Variants in NPAS3 observed in about 807,000 individuals in gnomAD.
NPAS3 encodes the protein neuronal PAS domain-containing protein 3.
A neutral mutation model predicts 73.1 loss-of-function variants in NPAS3; 14 were observed. The ratio of observed to expected loss-of-function variants is 0.19; its 90% CI spans 0.13 to 0.30. The LOEUF (loss-of-function observed/expected upper bound fraction) is 0.30. Ranked by LOEUF, NPAS3 falls within the 10% of genes least tolerant of loss-of-function variation. The probability of loss-of-function intolerance (pLI) is 1.00; values close to 1 mark genes in which losing one functional copy is unlikely to be tolerated. For missense variants in NPAS3, 1,096 were observed against 1,250.0 expected (o/e 0.88, Z 1.86); for synonymous variants, 620 against 541.5 (o/e 1.14, Z -2.01).
intron 1 of NPAS3, among the ~76,000 whole-genome samples, chr14:32,980,597 C>T (rs1371288301): frequency 3.9e-5 from 6 of 151,992 alleles, no homozygotes; most frequent in Non-Finnish European, 5.9e-5. Context: ...TCTTCTTGGA[C>T]GCTACCATTT....
intron 3 of NPAS3, among the ~76,000 whole-genome samples, chr14:33,284,564 T>G (rs1253196480): frequency 2.0e-5 from 3 of 152,164 alleles, no homozygotes; most frequent in African/African-American, 7.2e-5. Flanking sequence ...ATGCACTGTT[T>G]ATTATTAGAC....
At chr14:33,286,126 A>G (rs1228159648) in intron 3 of NPAS3, among the ~76,000 whole-genome samples, 3 of 152,138 alleles carry the variant, frequency 2.0e-5, no homozygotes, top group South Asian at 2.1e-4. Context: ...AATACAATCA[A>G]TGAGTTGAGT....
rs531543670 is a variant in NPAS3, at chr14:33,281,080, A to G, written c.385+65654A>G. On this transcript the variant is annotated intron_variant, in intron 3 of 11. Coordinates refer to ENST00000356141, the Ensembl canonical transcript of NPAS3. ...GTTCACTTGATGCCCTCCTCTTCTTACGGTAGTGAAGCTGGATACATTTGT... is the reference window on the plus strand; with the variant it reads ...GTTCACTTGATGCCCTCCTCTTCTTGCGGTAGTGAAGCTGGATACATTTGT... 1.8e-4 allele frequency among the ~76,000 whole-genome samples: 28 copies of G among 152,312 alleles called. 1 individual carries two copies. In the South Asian group the frequency reaches 5.4e-3, roughly 29 times the overall value.
downstream of NPAS3, chr14:33,801,499 A>T (rs1008770658): frequency 3.4e-5 from 8 of 233,584 alleles, no homozygotes; most frequent in Non-Finnish European, 6.7e-5. Context: ...TCTTGATATG[A>T]TCAAGATGGA....
chr14:33,457,682 G>C (rs1161390769), intron 4 of NPAS3, among the ~76,000 whole-genome samples: 1 of 152,144 alleles, frequency 6.6e-6, no homozygotes, highest in Admixed American at 6.5e-5. Flanking sequence ...CCATGTCCCA[G>C]ACATGCTTCC....
chr14:33,216,604 G>C (rs2047232903), intron 3 of NPAS3, among the ~76,000 whole-genome samples: 1 of 152,200 alleles, frequency 6.6e-6, no homozygotes, highest in Admixed American at 6.5e-5. Flanking sequence ...AAAGGGCCAT[G>C]TAGTAAATAT....
intron 2 of NPAS3, among the ~76,000 whole-genome samples, chr14:33,066,650 G>A (rs2041291636): frequency 6.6e-6 from 1 of 152,146 alleles, no homozygotes. Context: ...CTGTGGTACA[G>A]AGTGTCCTGA....
intron 3 of NPAS3, among the ~76,000 whole-genome samples, chr14:33,231,108 T>G (rs774837876): frequency 2.0e-5 from 3 of 152,220 alleles, no homozygotes; most frequent in Admixed American, 2.0e-4. Context: ...CAATTCTGTT[T>G]GCTCGTGCAA....
intron 3 of NPAS3, among the ~76,000 whole-genome samples, chr14:33,219,353 A>C (rs2047339745): frequency 1.3e-5 from 2 of 152,150 alleles, no homozygotes; most frequent in Admixed American, 1.3e-4. Flanking sequence ...GTCTGCTGCA[A>C]CTCTATTAAT....
chr14:33,139,308 A>G (rs2043956827), intron 2 of NPAS3, among the ~76,000 whole-genome samples: 1 of 152,174 alleles, frequency 6.6e-6, no homozygotes, highest in African/African-American at 2.4e-5. Flanking sequence ...GCTTCCTCCC[A>G]TTGCACCAAA....
chr14:33,577,068 A>G (rs1595191864), intron 5 of NPAS3, among the ~76,000 whole-genome samples: 1 of 152,258 alleles, frequency 6.6e-6, no homozygotes, highest in East Asian at 1.9e-4. Flanking sequence ...ACCTGTCTCA[A>G]TATGAGTAAA....
intron 6 of NPAS3, among the ~76,000 whole-genome samples, chr14:33,711,119 A>G (rs966793882): frequency 1.3e-5 from 2 of 152,226 alleles, no homozygotes; most frequent in African/African-American, 2.4e-5. Flanking sequence ...TTGCTGTAAT[A>G]CATACGTGCA....
At position 33,551,231 on chromosome 14, in the gene NPAS3, C is replaced by T. The variant is rs945067258; in HGVS notation, c.469-8890C>T. Among the ~76,000 whole-genome samples the T allele has an allele frequency of 3.3e-5, 5 of 152,324 alleles. No homozygotes were observed. In the East Asian group the frequency reaches 9.6e-4, roughly 29 times the overall value. ...TTCCTAGAAATAAAACACATGATTG[C>T]ACCAGATTAGTGTCTGCGGTCTCTA... On this transcript the variant is annotated intron_variant, in intron 4 of 11. Transcript: ENST00000356141.
At chr14:33,405,827 C>T (rs2047641644) in intron 4 of NPAS3, among the ~76,000 whole-genome samples, 1 of 152,118 alleles carries the variant, frequency 6.6e-6, no homozygotes, top group Admixed American at 6.6e-5. Context: ...ACATTAAACT[C>T]AGTCTATTAG....
chr14:33,068,875 G>T (rs1432542992), intron 2 of NPAS3, among the ~76,000 whole-genome samples: 1 of 152,190 alleles, frequency 6.6e-6, no homozygotes, highest in Non-Finnish European at 1.5e-5. Flanking sequence ...AGGCCAGTGT[G>T]GTGGGGGCTG....
intron 1 of NPAS3, among the ~76,000 whole-genome samples, chr14:33,030,338 G>T (rs1006093729): frequency 6.6e-6 from 1 of 152,148 alleles, no homozygotes; most frequent in African/African-American, 2.4e-5. Flanking sequence ...GCAAGTGTAA[G>T]GGTTTCAAAG....
chr14:33,564,373 T>C (rs543837413), intron 5 of NPAS3, among the ~76,000 whole-genome samples: 43 of 152,262 alleles, frequency 2.8e-4, no homozygotes, highest in Admixed American at 4.6e-4. Context: ...ACCTGTAGAT[T>C]ATGACATTGA....
rs114917726 is a variant in NPAS3 at position 33,450,619 on chromosome 14, C to T, written c.468+83351C>T. 9.7e-3 allele frequency among the ~76,000 whole-genome samples: 1,471 copies of T among 152,226 alleles called. 23 individuals carry two copies. Among genetic ancestry groups the T allele is most frequent in the African/African-American group, 0.034 (1,391 of 41,522 alleles). Reference sequence around the variant, plus strand: ...CTTTCCTTAAATACTGTTGTTATTTCGCTGCCAGATTGCTTGTAGTTTGAG... The same window carrying T: ...CTTTCCTTAAATACTGTTGTTATTTTGCTGCCAGATTGCTTGTAGTTTGAG... On this transcript the variant is annotated intron_variant, in intron 4 of 11. Coordinates refer to ENST00000356141, the Ensembl canonical transcript of NPAS3.
At chr14:33,232,608 G>A (rs1010864188) in intron 3 of NPAS3, among the ~76,000 whole-genome samples, 2 of 152,048 alleles carry the variant, frequency 1.3e-5, no homozygotes, top group Non-Finnish European at 2.9e-5. Flanking sequence ...TGATTAATGG[G>A]TGTTAAAACA....
Sources: gnomAD v4.1 joint callset for allele counts (sites outside exome capture counted in the v4.1 genomes callset) on GRCh38, gnomAD v4.1.1 for gene constraint, MANE v1.5 for transcripts, NCBI Gene and HGNC (gene_info 2026-07-23, HGNC 2026-07-21) for gene names.